Variants in DENND4A observed in about 807,000 individuals in gnomAD.
DENND4A encodes DENN domain containing 4A.
Under a neutral mutation model 199.3 loss-of-function variants are expected in DENND4A, and 70 were observed. The observed-to-expected ratio is 0.35, with a 90% CI of 0.29 to 0.43. DENND4A has a LOEUF of 0.43. DENND4A is among the 20% of genes least tolerant of loss of function. DENND4A has a pLI of 1.00. For missense variants in DENND4A, 1,723 were observed against 2,255.8 expected (o/e 0.76, Z 4.78); for synonymous variants, 686 against 766.9 (o/e 0.89, Z 1.74).
At chr15:65,690,282 C>T in intron 23 of DENND4A, 133 bp downstream of exon 23, 3 of 902,590 alleles carry the variant, frequency 3.3e-6, no homozygotes, top group Non-Finnish European at 4.5e-6. Context: ...CTGATACTTA[C>T]AAAACTTACA....
chr15:65,709,719 A>AAATATATATAT (rs1218030026), intron 14 of DENND4A, among the ~76,000 whole-genome samples: 11 of 51,476 alleles, frequency 2.1e-4, no homozygotes, highest in African/African-American at 4.0e-4. Flanking sequence ...AAAAAAAAAA[A>AAATATATATAT]ATATATATAT....
chr15:65,773,714 T>C (rs916491698), intron 1 of DENND4A, among the ~76,000 whole-genome samples: 3 of 152,216 alleles, frequency 2.0e-5, no homozygotes, highest in African/African-American at 7.2e-5. Flanking sequence ...CTGGTCACTT[T>C]TGTCGCTTTT....
chr15:65,777,382 T>C (rs2077310812), intron 1 of DENND4A, among the ~76,000 whole-genome samples: 1 of 151,896 alleles, frequency 6.6e-6, no homozygotes, highest in South Asian at 2.1e-4. Context: ...AGACAGAGTC[T>C]TACTCTGTTG....
Position 65,741,758 on chromosome 15 carries a change from A to G in DENND4A, c.588T>C (p.Tyr196=). The change falls in exon 5 of 33, where the codon TAT becomes TAC. Residue 196 remains tyrosine (Y), a synonymous_variant. Transcript: ENST00000443035. The part of the protein sequence containing the change: ...SMWGSAVYLC[Y]KKSVAKTNTV... Reference sequence around the variant, plus strand: ...TGTTCGTCTTTGCCACCGATTTTTTATAACACAAGTATACTGCTGATCCCC... The same window carrying G: ...TGTTCGTCTTTGCCACCGATTTTTTGTAACACAAGTATACTGCTGATCCCC... The G allele has an allele frequency of 1.2e-6, 2 of 1,612,876 alleles. No homozygotes were observed. Among genetic ancestry groups the G allele is most frequent in the Non-Finnish European group, 1.7e-6 (2 of 1,179,450 alleles).
chr15:65,727,648 T>C (rs995250754), intron 11 of DENND4A, among the ~76,000 whole-genome samples: 1 of 151,974 alleles, frequency 6.6e-6, no homozygotes, highest in African/African-American at 2.4e-5. Flanking sequence ...AAAACCTACT[T>C]CACATTTACA....
chr15:65,700,664 C>T lies in DENND4A; in HGVS notation c.2713G>A (p.Asp905Asn). The T allele has an allele frequency of 6.5e-7, 1 of 1,538,976 alleles. No individual in the cohort carries two copies. ...CTGCCATGACTAACAGCATCCAGGT[C>T]ACTGCCATCTGCTTAAGAACACAAT... is the stretch of plus-strand genomic sequence containing the variant. ...SQTTLSADGS[D>N]LDAVSHGSMD... The change falls in exon 20 of 33, where the codon GAC becomes AAC. Residue 905 changes from aspartate to asparagine, a missense_variant. Asp to Asn is a conservative substitution (Grantham distance 23). Transcript: ENST00000443035.
chr15:65,789,576 G>GA (rs1250646169), intron 1 of DENND4A, among the ~76,000 whole-genome samples: 1 of 151,154 alleles, frequency 6.6e-6, no homozygotes, highest in African/African-American at 2.4e-5. Flanking sequence ...CCTGTGGTAG[G>GA]AAAAAGGAAA....
chr15:65,686,778 C>A (rs1251634029), intron 23 of DENND4A, among the ~76,000 whole-genome samples: 1 of 151,998 alleles, frequency 6.6e-6, no homozygotes, highest in Non-Finnish European at 1.5e-5. Flanking sequence ...CAGCCTTGAA[C>A]TTCTGGGTTC....
At chr15:65,704,599 G>T (rs2074986186) in intron 15 of DENND4A, among the ~76,000 whole-genome samples, 1 of 151,964 alleles carries the variant, frequency 6.6e-6, no homozygotes, top group Admixed American at 6.6e-5. Context: ...GAAATAATGT[G>T]GTTTTTTTGG....
chr15:65,711,876 G>C (rs2075262520), intron 14 of DENND4A, among the ~76,000 whole-genome samples: 1 of 152,162 alleles, frequency 6.6e-6, no homozygotes, highest in African/African-American at 2.4e-5. Context: ...GCCCAGGCTA[G>C]ACTCCAACTC....
intron 4 of DENND4A, 71 bp downstream of exon 4, chr15:65,752,308 A>ATTTTTTTTT: frequency 1.5e-6 from 1 of 671,622 alleles, no homozygotes; most frequent in Non-Finnish European, 2.0e-6. Context: ...AAAAAAAAAA[A>ATTTTTTTTT]AAAAAGATGT....
At chr15:65,783,959 G>T (rs948632712) in intron 1 of DENND4A, among the ~76,000 whole-genome samples, 8 of 152,118 alleles carry the variant, frequency 5.3e-5, no homozygotes, top group Non-Finnish European at 4.4e-5. Flanking sequence ...ACGAGTACGG[G>T]AAAACAATAC....
At chr15:65,708,555 T>G (rs1044173595) in intron 14 of DENND4A, among the ~76,000 whole-genome samples, 1 of 152,230 alleles carries the variant, frequency 6.6e-6, no homozygotes, top group African/African-American at 2.4e-5. Flanking sequence ...ATTATAAAAA[T>G]AGCCGTGCAA....
intron 9 of DENND4A, chr15:65,731,423 TTGA>T (rs1251142387): frequency 1.2e-5 from 7 of 563,680 alleles, no homozygotes; most frequent in Non-Finnish European, 2.4e-5. Flanking sequence ...TAGTAGGTAT[TTGA>T]TGATAATAGA....
In DENND4A at chr15:65,706,121, G is replaced by A. The variant is rs373381647; in HGVS notation, c.2057C>T (p.Pro686Leu). 6.2e-7 allele frequency: 1 copy of A among 1,605,180 alleles called. No individual in the cohort carries two copies. Among genetic ancestry groups the A allele is most frequent in the Non-Finnish European group, 8.5e-7 (1 of 1,175,962 alleles). Reference protein sequence around the residue: ...FVTPPEIPHLPNGEEPPLQYS... With the variant: ...FVTPPEIPHLLNGEEPPLQYS... ...CTGTAAAGGGGGTTCTTCACCATTG[G>A]GTAGGTGGGGGATCTCAGGTGGTGT... The change falls in exon 15 of 33, where the codon CCC becomes CTC. Residue 686 changes from proline (P) to leucine (L), a missense_variant. Physicochemically the swap from Pro to Leu is moderately conservative, Grantham distance 98. Around this residue, in one of 6 missense-constraint regions of DENND4A, gnomAD observed 725 missense variants for 952.9 expected, o/e 0.76. Transcript: ENST00000443035.
chr15:65,782,681 C>A (rs1182280710), intron 1 of DENND4A, among the ~76,000 whole-genome samples: 1 of 151,970 alleles, frequency 6.6e-6, no homozygotes, highest in Non-Finnish European at 1.5e-5. Context: ...AATAAATGGG[C>A]AAAATAATTA....
chr15:65,734,603 G>A (rs1195440881), intron 7 of DENND4A, among the ~76,000 whole-genome samples: 1 of 152,050 alleles, frequency 6.6e-6, no homozygotes, highest in African/African-American at 2.4e-5. Context: ...CAGGTGTGGA[G>A]GGGCAACCCA....
At chr15:65,790,875 C>CAAATGTA (rs749820374) in intron 1 of DENND4A, among the ~76,000 whole-genome samples, 1 of 152,070 alleles carries the variant, frequency 6.6e-6, no homozygotes, top group Non-Finnish European at 1.5e-5. Context: ...AAAATAATCC[C>CAAATGTA]AAATGTACTA....
At position 65,660,958 on chromosome 15, in the gene DENND4A, TG is replaced by T. The variant is rs1264854695; in HGVS notation, c.*892del. 1 of 152,200 alleles carries T rather than the reference TG, an allele frequency of 6.6e-6. No individual in the cohort carries two copies. The highest frequency in any genetic ancestry group is 2.4e-5 in the African/African-American group (1 of 41,438). The allele number at this position is 152,200 out of a possible 1,614,324, so 9.4% of individuals were successfully genotyped here. On this transcript the variant is annotated 3_prime_UTR_variant, in exon 33 of 33. Transcript: ENST00000443035. ...AATCACTTGTCTGCATATTTCCCAA[TG>T]TAAGTTTTCATGTAGAATATTAAAA...
Sources: allele counts gnomAD v4.1 joint callset (sites outside exome capture counted in the v4.1 genomes callset), GRCh38; gene constraint gnomAD v4.1.1; regional missense constraint gnomAD v4.1.1; transcripts MANE v1.5; gene names NCBI Gene and HGNC (gene_info 2026-07-23, HGNC 2026-07-21).